NTF3: variants seen among roughly 807,000 people sequenced by gnomAD.
The protein encoded by NTF3 is neurotrophin-3.
NTF3 carries 8 observed loss-of-function variants against 26.3 expected under a neutral mutation model. The ratio of observed to expected loss-of-function variants is 0.30; its 90% CI spans 0.18 to 0.55. NTF3 has a LOEUF of 0.55. Among genes scored for constraint, NTF3 ranks in the 20% least tolerant of loss-of-function variants. The pLI, the probability that NTF3 is intolerant of heterozygous loss-of-function variation, is 0.93. For synonymous variants in NTF3, 154 were observed against 145.5 expected (o/e 1.06, Z -0.42); for missense variants, 276 against 352.9 (o/e 0.78, Z 1.75).
intron 1 of NTF3, among the ~76,000 whole-genome samples, chr12:5,467,301 G>A (rs1940605058): frequency 6.7e-6 from 1 of 148,150 alleles, no homozygotes; most frequent in African/African-American, 2.5e-5. Context: ...GGGGCAATGG[G>A]AGGGAAATTT....
intron 1 of NTF3, among the ~76,000 whole-genome samples, chr12:5,467,265 T>G (rs78733316): frequency 3.6e-3 from 221 of 62,008 alleles, no homozygotes; most frequent in African/African-American, 0.013. Context: ...AAAAAAAAAG[T>G]CGGGGGCTTG....
intron 1 of NTF3, among the ~76,000 whole-genome samples, chr12:5,472,313 G>T (rs1940675180): frequency 6.6e-6 from 1 of 152,080 alleles, no homozygotes; most frequent in African/African-American, 2.4e-5. Context: ...ATCATAGAAT[G>T]GCAGGCTTAA....
At chr12:5,491,300 T>C (rs4074967) in intron 1 of NTF3, among the ~76,000 whole-genome samples, 3 of 152,094 alleles carry the variant, frequency 2.0e-5, no homozygotes, top group African/African-American at 4.8e-5. Flanking sequence ...AGAAGTCGAT[T>C]ATTAAAATGG....
At chr12:5,432,602 CACACAG>C (rs1555141045) in intron 1 of NTF3, among the ~76,000 whole-genome samples, 179 of 132,638 alleles carry the variant, frequency 1.3e-3, no homozygotes, top group African/African-American at 4.6e-3. Flanking sequence ...CACACACACA[CACACAG>C]ACACGGACAC....
At chr12:5,442,480 C>T (rs879710886) in intron 1 of NTF3, among the ~76,000 whole-genome samples, 2 of 152,068 alleles carry the variant, frequency 1.3e-5, no homozygotes, top group Admixed American at 1.3e-4. Flanking sequence ...TATCCCTGCT[C>T]GTGGCATGGT....
chr12:5,440,436 C>CT (rs1439237319), intron 1 of NTF3, among the ~76,000 whole-genome samples: 1 of 152,168 alleles, frequency 6.6e-6, no homozygotes, highest in African/African-American at 2.4e-5. Context: ...TTCTCTGGCT[C>CT]TAAGTGATCC....
At chr12:5,473,405 C>T (rs528904705) in intron 1 of NTF3, among the ~76,000 whole-genome samples, 4 of 152,352 alleles carry the variant, frequency 2.6e-5, no homozygotes, top group South Asian at 2.1e-4. Context: ...GAGCCTTGTC[C>T]GTGCTTAGAC....
chr12:5,442,192 A>G (rs993402431), intron 1 of NTF3, among the ~76,000 whole-genome samples: 2 of 152,214 alleles, frequency 1.3e-5, no homozygotes, highest in Admixed American at 1.3e-4. Context: ...GATGGAATAC[A>G]GGGTTCCCAC....
intron 1 of NTF3, among the ~76,000 whole-genome samples, chr12:5,483,422 C>G (rs895484071): frequency 1.3e-5 from 2 of 152,148 alleles, no homozygotes; most frequent in Admixed American, 6.5e-5. Context: ...AGTAATCGTC[C>G]TAGAGATCCA....
At chr12:5,482,656 G>C (rs1401395547) in intron 1 of NTF3, among the ~76,000 whole-genome samples, 1 of 151,270 alleles carries the variant, frequency 6.6e-6, no homozygotes, top group Non-Finnish European at 1.5e-5. Context: ...GGGCTCAACT[G>C]AAACCCCCTG....
At chr12:5,460,441 T>C (rs1238037276) in intron 1 of NTF3, among the ~76,000 whole-genome samples, 4 of 152,218 alleles carry the variant, frequency 2.6e-5, no homozygotes, top group African/African-American at 9.6e-5. Flanking sequence ...GTTGGAATAA[T>C]ACAGTGCGTA....
At chr12:5,468,007 C>G (rs1304198537) in intron 1 of NTF3, among the ~76,000 whole-genome samples, 1 of 152,098 alleles carries the variant, frequency 6.6e-6, no homozygotes, top group Non-Finnish European at 1.5e-5. Context: ...CCCACATTTT[C>G]CCTCTGATGA....
chr12:5,457,869 C>T (rs922806497), intron 1 of NTF3, among the ~76,000 whole-genome samples: 1 of 152,268 alleles, frequency 6.6e-6, no homozygotes, highest in Non-Finnish European at 1.5e-5. Flanking sequence ...CTCTGTCATC[C>T]GCAGGATCGG....
intron 1 of NTF3, among the ~76,000 whole-genome samples, chr12:5,443,059 A>C (rs1057268308): frequency 1.3e-5 from 2 of 152,198 alleles, no homozygotes; most frequent in African/African-American, 4.8e-5. Context: ...GGAAAGACCA[A>C]TATGGGTCTC....
intron 1 of NTF3, among the ~76,000 whole-genome samples, chr12:5,478,014 T>C (rs1940744955): frequency 6.6e-6 from 1 of 152,240 alleles, no homozygotes; most frequent in Non-Finnish European, 1.5e-5. Context: ...GTGTTCATTA[T>C]AAAATGTTAA....
intron 1 of NTF3, among the ~76,000 whole-genome samples, chr12:5,444,591 A>C (rs1045259971): frequency 1.3e-5 from 2 of 152,192 alleles, no homozygotes; most frequent in African/African-American, 4.8e-5. Context: ...AAGCCCAGGG[A>C]GGGGATGAAC....
intron 1 of NTF3, among the ~76,000 whole-genome samples, chr12:5,470,281 T>C (rs190480803): frequency 6.6e-6 from 1 of 152,348 alleles, no homozygotes; most frequent in East Asian, 1.9e-4. Context: ...GAAGAAGTTA[T>C]ACAGCTGGGA....
chr12:5,475,127 A>G (rs1332926111), intron 1 of NTF3, among the ~76,000 whole-genome samples: 1 of 152,188 alleles, frequency 6.6e-6, no homozygotes, highest in East Asian at 1.9e-4. Flanking sequence ...AGCAGGGTTG[A>G]TGAGATTGCA....
chr12:5,438,748 G>A (rs1940203225), intron 1 of NTF3, among the ~76,000 whole-genome samples: 1 of 152,238 alleles, frequency 6.6e-6, no homozygotes, highest in East Asian at 1.9e-4. Context: ...ACTGGGCTCT[G>A]TCACTAATTA....
Sources: gnomAD v4.1 joint callset for allele counts (sites outside exome capture counted in the v4.1 genomes callset) on GRCh38, gnomAD v4.1.1 for gene constraint, MANE v1.5 for transcripts, NCBI Gene and HGNC (gene_info 2026-07-23, HGNC 2026-07-21) for gene names.